The following TANGO6 variants were observed in gnomAD, a reference collection of about 807,000 sequenced individuals.
The protein encoded by TANGO6 is transport and golgi organization 6 homolog.
A neutral mutation model predicts 114.2 loss-of-function variants in TANGO6; 90 were observed. That is an observed-to-expected ratio of 0.79 (90% CI 0.66 to 0.94). The LOEUF is 0.94. TANGO6 is among the 40% of genes least tolerant of loss of function. The pLI, the probability that TANGO6 is intolerant of heterozygous loss-of-function variation, is 0.00. For missense variants in TANGO6, 1,274 were observed against 1,315.3 expected (o/e 0.97, Z 0.49); for synonymous variants, 477 against 509.8 (o/e 0.94, Z 0.87).
At chr16:68,855,202 G>A (rs1381401572) in intron 1 of TANGO6, among the ~76,000 whole-genome samples, 1 of 150,106 alleles carries the variant, frequency 6.7e-6, no homozygotes, top group Non-Finnish European at 1.5e-5. Flanking sequence ...ATGAAGCTCC[G>A]TCTCAAAAAA....
chr16:69,079,944 G>A (rs1363742534), intron 17 of TANGO6, among the ~76,000 whole-genome samples: 1 of 152,116 alleles, frequency 6.6e-6, no homozygotes, highest in African/African-American at 2.4e-5. Flanking sequence ...TATTGCACTG[G>A]GCACAGTGGC....
intron 7 of TANGO6, 39 bp from the exon 8 acceptor site, chr16:68,900,395 C>A: frequency 6.4e-7 from 1 of 1,559,734 alleles, no homozygotes; most frequent in Non-Finnish European, 8.8e-7. Flanking sequence ...TCTGGCCAGG[C>A]AGTCATGGGA....
chr16:68,961,661 G>A lies in TANGO6; in HGVS notation c.2702-12367G>A, dbSNP rs137992149. Among the ~76,000 whole-genome samples, 69 of 152,210 alleles carry A rather than the reference G, an allele frequency of 4.5e-4. No homozygotes were observed. The Middle Eastern group carries it at 0.01, about 23-fold the overall frequency. ...TTTTTACTTTTTTCCCTCCAAGATG[G>A]GAATTAGAAAACACTTTAAGGAAAT... On this transcript the variant is annotated intron_variant, in intron 14 of 17. Transcript: ENST00000261778.
At chr16:68,968,062 T>C (rs548888155) in intron 14 of TANGO6, among the ~76,000 whole-genome samples, 69 of 152,166 alleles carry the variant, frequency 4.5e-4, no homozygotes, top group Middle Eastern at 6.8e-3. Flanking sequence ...CATGTAGTTA[T>C]CGTAATAACA....
chr16:68,923,451 G>A (rs1056596785), intron 12 of TANGO6, among the ~76,000 whole-genome samples: 1 of 152,116 alleles, frequency 6.6e-6, no homozygotes, highest in Non-Finnish European at 1.5e-5. Context: ...AGAGAGGGAC[G>A]AGCCGCTGAA....
At chr16:68,874,742 G>A (rs1029581022) in intron 4 of TANGO6, among the ~76,000 whole-genome samples, 1 of 152,150 alleles carries the variant, frequency 6.6e-6, no homozygotes, top group East Asian at 1.9e-4. Flanking sequence ...GAGGTCAGAA[G>A]TTCGAGACCA....
At chr16:68,868,363 A>G (rs780027811) in intron 4 of TANGO6, among the ~76,000 whole-genome samples, 5 of 151,994 alleles carry the variant, frequency 3.3e-5, no homozygotes, top group Non-Finnish European at 5.9e-5. Context: ...TTTAAAGTCA[A>G]ATAGTTCTCT....
chr16:69,046,914 C>T (rs1041112259), intron 17 of TANGO6, among the ~76,000 whole-genome samples: 1 of 152,052 alleles, frequency 6.6e-6, no homozygotes, highest in Non-Finnish European at 1.5e-5. Context: ...TGGTGGCTCA[C>T]GCCTGTAATC....
chr16:68,912,190 A>G (rs1345151101), intron 11 of TANGO6, among the ~76,000 whole-genome samples: 2 of 152,232 alleles, frequency 1.3e-5, no homozygotes, highest in African/African-American at 2.4e-5. Context: ...TAAAAATTCA[A>G]AAAGAAAACT....
chr16:68,992,848 C>T (rs1485763524), intron 15 of TANGO6, among the ~76,000 whole-genome samples: 2 of 152,124 alleles, frequency 1.3e-5, no homozygotes, highest in Admixed American at 6.5e-5. Context: ...GCAGGTGGAC[C>T]ACCTGAGGTC....
intron 14 of TANGO6, among the ~76,000 whole-genome samples, chr16:68,934,719 G>A (rs1963283292): frequency 6.6e-6 from 1 of 152,152 alleles, no homozygotes; most frequent in African/African-American, 2.4e-5. Flanking sequence ...CCAAGAAACT[G>A]TACTACTGTC....
chr16:68,963,185 A>AATCTCAGC (rs1397591831), intron 14 of TANGO6, among the ~76,000 whole-genome samples: 1 of 150,920 alleles, frequency 6.6e-6, no homozygotes, highest in Non-Finnish European at 1.5e-5. Flanking sequence ...GCAGTGATGC[A>AATCTCAGC]ATCTCAGCTC....
chr16:68,902,859 G>A (rs902808461), intron 9 of TANGO6, among the ~76,000 whole-genome samples: 1 of 152,176 alleles, frequency 6.6e-6, no homozygotes, highest in Non-Finnish European at 1.5e-5. Flanking sequence ...TGGTATATGT[G>A]TGTGTTTATA....
intron 15 of TANGO6, among the ~76,000 whole-genome samples, chr16:68,976,775 T>C (rs1278713954): frequency 2.0e-5 from 3 of 152,240 alleles, no homozygotes; most frequent in African/African-American, 4.8e-5. Context: ...GTTCTTGTCA[T>C]GCATGGCCTA....
chr16:68,897,555 A>G (rs535298076), intron 7 of TANGO6, among the ~76,000 whole-genome samples: 6 of 152,210 alleles, frequency 3.9e-5, no homozygotes, highest in Non-Finnish European at 7.4e-5. Flanking sequence ...AAGTATAAGG[A>G]AGAAACAAAC....
intron 14 of TANGO6, among the ~76,000 whole-genome samples, chr16:68,970,216 A>T (rs961288024): frequency 1.3e-5 from 2 of 152,206 alleles, no homozygotes; most frequent in Admixed American, 1.3e-4. Context: ...AAAGAACACC[A>T]TGGTGGTGTT....
chr16:68,888,877 A>G (rs1376572217), intron 7 of TANGO6, among the ~76,000 whole-genome samples: 4 of 152,110 alleles, frequency 2.6e-5, no homozygotes, highest in Non-Finnish European at 4.4e-5. Context: ...CAGTGGCGCA[A>G]TCTCAGCTTA....
chr16:68,972,353 G>A (rs546295369), intron 14 of TANGO6, among the ~76,000 whole-genome samples: 2 of 152,166 alleles, frequency 1.3e-5, no homozygotes, highest in East Asian at 3.9e-4. Flanking sequence ...GTGTGGATGT[G>A]ATTTAGAAGA....
At chr16:68,970,393 C>T (rs1235434716) in intron 14 of TANGO6, among the ~76,000 whole-genome samples, 2 of 152,168 alleles carry the variant, frequency 1.3e-5, no homozygotes, top group Admixed American at 1.3e-4. Flanking sequence ...AAGGGCCCGG[C>T]ACGGTGGCTC....
Sources: gnomAD v4.1 joint callset for allele counts (sites outside exome capture counted in the v4.1 genomes callset) on GRCh38, gnomAD v4.1.1 for gene constraint, MANE v1.5 for transcripts, NCBI Gene and HGNC (gene_info 2026-07-23, HGNC 2026-07-21) for gene names.